AQR: variants seen among roughly 807,000 people sequenced by gnomAD.
The protein encoded by AQR is RNA helicase aquarius.
In AQR, 61 loss-of-function variants were observed where a neutral mutation model predicts 180.5. That is an observed-to-expected ratio of 0.34 (90% CI 0.28 to 0.42). The LOEUF (loss-of-function observed/expected upper bound fraction) is 0.42, where lower values mean the gene tolerates loss of function less well. Ranked by LOEUF, AQR falls within the 10% of genes least tolerant of loss-of-function variation. AQR has a pLI of 1.00. For missense variants in AQR, 1,281 were observed against 1,798.3 expected, an observed-to-expected ratio of 0.71 and a Z score of 5.20; for synonymous variants, 551 against 588.8, an observed-to-expected ratio of 0.94 and a Z score of 0.93.
At chr15:34,876,712 G>T (rs150019979) in intron 27 of AQR, among the ~76,000 whole-genome samples, 25 of 152,208 alleles carry the variant, frequency 1.6e-4, no homozygotes, top group African/African-American at 5.5e-4. Flanking sequence ...TGCCAGCAAG[G>T]ATGTATTTAC....
intron 3 of AQR, among the ~76,000 whole-genome samples, chr15:34,955,719 C>T (rs1894302736): frequency 6.6e-6 from 1 of 152,062 alleles, no homozygotes; most frequent in African/African-American, 2.4e-5. Flanking sequence ...ACCAGCCTGG[C>T]CAACATGGCG....
chr15:34,881,378 C>T (rs1892970968), intron 27 of AQR, among the ~76,000 whole-genome samples: 1 of 152,124 alleles, frequency 6.6e-6, no homozygotes, highest in African/African-American at 2.4e-5. Flanking sequence ...GAGCTCACAA[C>T]ATTTTAAAAT....
At chr15:34,873,165 G>A (rs11857217) in intron 30 of AQR, among the ~76,000 whole-genome samples, 116,936 of 151,932 alleles carry the variant, frequency 0.77, 45,584 homozygotes, top group Middle Eastern at 0.87. Context: ...CTCATTTCCA[G>A]AATAATTTGC....
chr15:34,952,238 A>C (rs1465066061), intron 4 of AQR, among the ~76,000 whole-genome samples: 1 of 152,190 alleles, frequency 6.6e-6, no homozygotes, highest in East Asian at 1.9e-4. Context: ...TAGAGCAAAG[A>C]ATTTAACCTC....
intron 23 of AQR, among the ~76,000 whole-genome samples, chr15:34,891,969 T>C (rs1893156220): frequency 1.3e-5 from 2 of 152,180 alleles, no homozygotes; most frequent in Non-Finnish European, 2.9e-5. Flanking sequence ...TGAAGAGTAT[T>C]ATTTTTAAAA....
In AQR at chr15:34,910,296, C is replaced by A; in HGVS notation, c.1502G>T (p.Gly501Val). ...RMKPWQSEYG[G>V]VVFGGWARMA... ...TCGCGCCCAACCACCAAACACTACA[C>A]CGCCATATTCAGATTGCCTGAAACC... is the stretch of plus-strand genomic sequence containing the variant. Residue 501 changes from glycine (G) to valine (V), a missense_variant, in exon 17 of 35, where the codon GGT becomes GTT. This residue lies in a region of AQR where 200 missense variants were observed against 293.4 expected (regional missense o/e 0.68). Coordinates refer to ENST00000156471, the MANE Select transcript of AQR (RefSeq NM_014691.3). 6.2e-7 allele frequency: 1 copy of A among 1,613,260 alleles called. No individual in the cohort carries two copies. Among genetic ancestry groups the A allele is most frequent in the Non-Finnish European group, 8.5e-7 (1 of 1,179,536 alleles).
At chr15:34,870,540 C>A (rs1001992900) in intron 31 of AQR, among the ~76,000 whole-genome samples, 3 of 152,014 alleles carry the variant, frequency 2.0e-5, no homozygotes, top group East Asian at 1.9e-4. Context: ...AGAAACATTT[C>A]TTTTACCATC....
intron 22 of AQR, among the ~76,000 whole-genome samples, chr15:34,894,099 G>T (rs950895990): frequency 2.6e-5 from 4 of 151,970 alleles, no homozygotes; most frequent in African/African-American, 9.7e-5. Context: ...AATCATGGCT[G>T]AAAATTTCCT....
At position 34,860,164 on chromosome 15, in the gene AQR, A is replaced by C; in HGVS notation, c.4030-9T>G. On this transcript the variant is annotated splice_polypyrimidine_tract_variant and intron_variant, in intron 33 of 34. Transcript: ENST00000156471. ...GATGGTCTCTCTCCATTCTAGAAGA[A>C]GGAAAAAAGAACGTTAAGTATCTAG... is the stretch of plus-strand genomic sequence containing the variant. The C allele has an allele frequency of 7.0e-7, 1 of 1,426,186 alleles. No homozygotes were observed. The highest frequency in any genetic ancestry group is 9.5e-7 in the Non-Finnish European group (1 of 1,057,800). 88.3% of individuals were successfully genotyped at this position (1,426,186 alleles called of 1,614,324 possible).
At chr15:34,866,317 G>A (rs977719375) in intron 32 of AQR, among the ~76,000 whole-genome samples, 1 of 152,086 alleles carries the variant, frequency 6.6e-6, no homozygotes, top group Non-Finnish European at 1.5e-5. Context: ...CCCCCATGAA[G>A]AAGTTGGAGT....
chr15:34,903,663 T>C (rs1893368068), intron 19 of AQR, among the ~76,000 whole-genome samples: 1 of 152,124 alleles, frequency 6.6e-6, no homozygotes, highest in African/African-American at 2.4e-5. Flanking sequence ...ATGATAGGAA[T>C]GTCTAAGAAG....
chr15:34,893,209 G>A (rs571617091), intron 23 of AQR, among the ~76,000 whole-genome samples: 85 of 152,284 alleles, frequency 5.6e-4, no homozygotes, highest in Non-Finnish European at 8.7e-4. Flanking sequence ...AGAGCACACC[G>A]AACAAAGGAG....
chr15:34,944,890 C>T (rs1014754814), intron 5 of AQR, among the ~76,000 whole-genome samples: 1 of 152,142 alleles, frequency 6.6e-6, no homozygotes, highest in African/African-American at 2.4e-5. Flanking sequence ...ATATTCAAGC[C>T]TCTTTGACCT....
chr15:34,941,718 A>C (rs1281029809), intron 7 of AQR, among the ~76,000 whole-genome samples: 1 of 152,204 alleles, frequency 6.6e-6, no homozygotes, highest in African/African-American at 2.4e-5. Flanking sequence ...CAAGGAAAAA[A>C]AAATTCAAGT....
chr15:34,943,208 G>C (rs1894053928), intron 6 of AQR: 2 of 1,610,542 alleles, frequency 1.2e-6, no homozygotes, highest in Non-Finnish European at 8.5e-7. Flanking sequence ...GTTATGACAG[G>C]AAGCAGAGTG....
chr15:34,857,138 CA>C lies in AQR; in HGVS notation c.4144-33del, dbSNP rs749578187. The C allele has an allele frequency of 4.6e-6, 7 of 1,505,940 alleles. No individual in the cohort carries two copies. The Admixed American group carries it at 1.1e-4, about 24-fold the overall frequency. 93.3% of individuals were successfully genotyped at this position (1,505,940 alleles called of 1,614,324 possible). A position where few individuals can be genotyped will look rare whatever the true frequency, so the allele number is the denominator to read the frequency against. On this transcript the variant is annotated intron_variant, in intron 34 of 34. Transcript: ENST00000156471. ...AAAAAAAAAAAAACAAAGACAATAC[CA>C]ATATGAAAAACAGCTTATAAAGCTA... is the stretch of plus-strand genomic sequence containing the variant.
chr15:34,963,942 G>C (rs946937253), intron 2 of AQR, among the ~76,000 whole-genome samples: 2 of 152,112 alleles, frequency 1.3e-5, no homozygotes, highest in Non-Finnish European at 2.9e-5. Flanking sequence ...GATTACAGGC[G>C]TGAGACACCG....
rs755628186 is a variant in AQR at position 34,927,102 on chromosome 15, A to G, written c.1051T>C (p.Phe351Leu). Residue 351 changes from phenylalanine to leucine, a missense_variant, in exon 13 of 35, where the codon TTT (phenylalanine) becomes CTT (leucine). Phe to Leu is a conservative substitution (Grantham distance 22, BLOSUM62 0). Transcript: ENST00000156471. Reference protein sequence around the residue: ...AFAHFPELYDFALSNVAEVDT... With the variant: ...AFAHFPELYDLALSNVAEVDT... ...ACTTCTGCCACATTTGAGAGGGCAA[A>G]ATCATAGAGTTCAGGAAAATGTGCA... 6.3e-7 allele frequency: 1 copy of G among 1,592,368 alleles called. No homozygotes were observed. The highest frequency in any genetic ancestry group is 1.2e-5 in the South Asian group (1 of 86,338).
intron 12 of AQR, 22 bp downstream of exon 12, chr15:34,930,236 G>A: frequency 7.0e-7 from 1 of 1,436,754 alleles, no homozygotes; most frequent in Non-Finnish European, 9.8e-7. Context: ...AGCATACACA[G>A]TCTATAATGT....
Sources: allele counts gnomAD v4.1 joint callset (sites outside exome capture counted in the v4.1 genomes callset), GRCh38; gene constraint gnomAD v4.1.1; regional missense constraint gnomAD v4.1.1; transcripts MANE v1.5; gene names NCBI Gene and HGNC (gene_info 2026-07-23, HGNC 2026-07-21).